Variants in STARD9 observed in about 807,000 individuals in gnomAD.
The protein encoded by STARD9 is StAR related lipid transfer domain containing 9, also known as stAR-related lipid transfer protein 9.
In STARD9, 346 loss-of-function variants were observed where a neutral mutation model predicts 399.8. The ratio of observed to expected loss-of-function variants is 0.87; its 90% CI spans 0.79 to 0.95. The LOEUF (loss-of-function observed/expected upper bound fraction) is 0.95. STARD9 is among the 40% of genes least tolerant of loss of function. The pLI is 0.00. For missense variants in STARD9, 5,832 were observed against 5,667.5 expected (o/e 1.03, Z -0.93); for synonymous variants, 2,203 against 2,143.5 (o/e 1.03, Z -0.77).
intron 26 of STARD9, among the ~76,000 whole-genome samples, chr15:42,710,940 T>C (rs964154221): frequency 2.6e-5 from 4 of 152,052 alleles, no homozygotes; most frequent in Admixed American, 2.6e-4. Context: ...TCTCCCTGTC[T>C]GTTTGTCCCC....
chr15:42,700,451 TG>T (rs1272098156), intron 26 of STARD9, among the ~76,000 whole-genome samples: 1 of 152,214 alleles, frequency 6.6e-6, no homozygotes, highest in Non-Finnish European at 1.5e-5. Context: ...TGTTGTTTTT[TG>T]TCTTTTTATT....
At chr15:42,620,286 A>AT (rs869052417) in intron 3 of STARD9, among the ~76,000 whole-genome samples, 2,261 of 146,598 alleles carry the variant, frequency 0.015, 62 homozygotes, top group African/African-American at 0.052. Flanking sequence ...TTATAAGTAG[A>AT]TTTTTTTTTT....
At chr15:42,590,757 C>CGAGAGA (rs61291485) in intron 3 of STARD9, among the ~76,000 whole-genome samples, 1 of 151,544 alleles carries the variant, frequency 6.6e-6, no homozygotes, top group East Asian at 1.9e-4. Flanking sequence ...CTTGTCACAG[C>CGAGAGA]GAGAGAGAGA....
In STARD9 at chr15:42,699,615, G is replaced by T. The variant is rs574401311; in HGVS notation, c.13284+3735G>T. ...TCACCATGTTAGCCAGGATGGTCTC[G>T]ATTTCCTGACCTCGTGATCTGCCCG... On this transcript the variant is annotated intron_variant, in intron 26 of 32. Transcript: ENST00000290607. 2.6e-5 allele frequency among the ~76,000 whole-genome samples: 4 copies of T among 151,516 alleles called. No individual in the cohort carries two copies. The South Asian group carries it at 8.4e-4, about 32-fold the overall frequency.
rs781054782 is a variant in STARD9 at position 42,684,282 on chromosome 15, C to A, written c.2704C>A (p.Gln902Lys). ...KNGLHSSGHG[Q>K]PCTARAALAR... The stretch of plus-strand genomic sequence containing the variant: ...CGGCCTGCATTCCTCAGGTCATGGG[C>A]AGCCCTGCACAGCCAGAGCAGCCTT... The change falls in exon 23 of 33, where the codon CAG becomes AAG. Residue 902 changes from glutamine to lysine, a missense_variant. This residue lies in a region of STARD9 where 5,828 missense variants were observed against 5,651.1 expected (regional missense o/e 1.03). Coordinates refer to ENST00000290607, the MANE Select transcript of STARD9 (RefSeq NM_020759.3). 4.5e-5 allele frequency: 69 copies of A among 1,537,142 alleles called. No homozygotes were observed. In the Middle Eastern group the frequency reaches 5.0e-4, roughly 11 times the overall value.
At chr15:42,610,592 A>G (rs1424556772) in intron 3 of STARD9, among the ~76,000 whole-genome samples, 1 of 152,086 alleles carries the variant, frequency 6.6e-6, no homozygotes, top group Non-Finnish European at 1.5e-5. Flanking sequence ...CTTGTCGCCC[A>G]GGCTGGAGTG....
intron 26 of STARD9, among the ~76,000 whole-genome samples, chr15:42,698,940 C>T (rs2060901405): frequency 6.6e-6 from 1 of 152,020 alleles, no homozygotes; most frequent in Non-Finnish European, 1.5e-5. Flanking sequence ...AGAATAGATT[C>T]TACCCTGCGG....
intron 16 of STARD9, among the ~76,000 whole-genome samples, chr15:42,673,405 A>C (rs1014949614): frequency 1.4e-4 from 22 of 152,294 alleles, no homozygotes; most frequent in African/African-American, 4.8e-4. Context: ...CTGTCTCAAA[A>C]AAAACAAAAC....
rs373520291 is a variant in STARD9 at position 42,699,583 on chromosome 15, T to C, written c.13284+3703T>C. On this transcript the variant is annotated intron_variant, in intron 26 of 32. Coordinates refer to ENST00000290607, the MANE Select transcript of STARD9 (RefSeq NM_020759.3). ...TAATTTTTTGTGTTTTTAGTAGAGA[T>C]GGGGTTTCACCATGTTAGCCAGGAT... Among the ~76,000 whole-genome samples the C allele has an allele frequency of 3.9e-3, 586 of 151,558 alleles. 4 individuals are homozygous for C. Among genetic ancestry groups the C allele is most frequent in the African/African-American group, 0.013 (527 of 41,214 alleles).
At chr15:42,683,819 C>G (rs1379973827) in intron 22 of STARD9, among the ~76,000 whole-genome samples, 46 of 151,860 alleles carry the variant, frequency 3.0e-4, no homozygotes, top group Non-Finnish European at 6.5e-4. Flanking sequence ...CCTCATAATA[C>G]CATTTAAATT....
At chr15:42,657,837 G>C (rs758495555) in intron 9 of STARD9, among the ~76,000 whole-genome samples, 8 of 152,180 alleles carry the variant, frequency 5.3e-5, no homozygotes, top group Non-Finnish European at 1.0e-4. Flanking sequence ...ATAGGCAACT[G>C]ATTTTTAATA....
In STARD9 at chr15:42,659,872, T is replaced by G. The variant is rs1373167856; in HGVS notation, c.703-1286T>G. Reference sequence around the variant, plus strand: ...CTACCATATGACCCAGCAATTCTACTCTTAGGTGTTTATCCAAGAGCAATG... The same window carrying G: ...CTACCATATGACCCAGCAATTCTACGCTTAGGTGTTTATCCAAGAGCAATG... On this transcript the variant is annotated intron_variant, in intron 9 of 32. Transcript: ENST00000290607. Among the ~76,000 whole-genome samples the G allele has an allele frequency of 2.0e-5, 3 of 152,258 alleles. No individual in the cohort carries two copies. In the East Asian group the frequency reaches 5.8e-4, roughly 29 times the overall value.
rs1490854593 is a variant in STARD9 at position 42,691,957 on chromosome 15, A to C, written c.10379A>C (p.His3460Pro). The stretch of plus-strand genomic sequence containing the variant: ...TCTCAGATGGACAAAGGAATGCTGC[A>C]CTTTGGCTCCAGTGACATCAGTCCC... ...WCSQMDKGMLHFGSSDISPYA... is the reference protein window; with the variant it reads ...WCSQMDKGMLPFGSSDISPYA... Residue 3460 changes from histidine to proline, a missense_variant, in exon 23 of 33, where the codon CAC (histidine) becomes CCC (proline). Physicochemically the swap from His to Pro is moderately conservative, Grantham distance 77. Transcript: ENST00000290607. The C allele has an allele frequency of 6.5e-7, 1 of 1,537,276 alleles. No homozygotes were observed.
Position 42,689,760 on chromosome 15 carries a change from C to T in STARD9, c.8182C>T (p.Pro2728Ser). 2 of 1,537,714 alleles carry T rather than the reference C, an allele frequency of 1.3e-6. No homozygotes were observed. Among genetic ancestry groups the T allele is most frequent in the South Asian group, 1.2e-5 (1 of 84,062 alleles). The change falls in exon 23 of 33, where the codon CCT (proline) becomes TCT (serine). Residue 2728 changes from proline (P) to serine (S), a missense_variant. Pro to Ser is a moderately conservative substitution (Grantham distance 74). Coordinates refer to ENST00000290607, the MANE Select transcript of STARD9 (RefSeq NM_020759.3). ...LAPDSPRSSA[P>S]VEEVRRVVSK... ...CCCAGACAGTCCTCGTTCTTCAGCA[C>T]CTGTGGAGGAGGTCAGGAGGGTAGT...
Position 42,692,646 on chromosome 15 carries a change from A to G in STARD9, c.11068A>G (p.Ser3690Gly), listed in dbSNP as rs1426530456. The change falls in exon 23 of 33, where the codon AGT becomes GGT. Residue 3690 changes from serine to glycine, a missense_variant. Around this residue, in one of 2 missense-constraint regions of STARD9, gnomAD observed 5,828 missense variants for 5,651.1 expected, o/e 1.03. Coordinates refer to ENST00000290607, the MANE Select transcript of STARD9 (RefSeq NM_020759.3). ...TCTCCACCTCTCACAGCTCCTGCAC[A>G]GTACCTCAGAGCTGCTTGGGAGTCT... ...LSLHLSQLLH[S>G]TSELLGSLSQ... is the part of the protein sequence containing the mutation. The G allele has an allele frequency of 5.2e-6, 8 of 1,537,068 alleles. No individual in the cohort carries two copies. The East Asian group carries it at 1.2e-4, about 23-fold the overall frequency.
rs554023661 is a variant in STARD9 at position 42,689,611 on chromosome 15, G to A, written c.8033G>A (p.Arg2678His). 54 of 1,537,492 alleles carry A rather than the reference G, an allele frequency of 3.5e-5. No homozygotes were observed. The East Asian group carries it at 4.9e-4, about 14-fold the overall frequency. ...GCTCCTGCTCAAGACAGGAAACGTC[G>A]TACTGGAGAACTGAGGCAGTTCGCG... ...HAAPAQDRKRRTGELRQFAGA... is the reference protein window; with the variant it reads ...HAAPAQDRKRHTGELRQFAGA... Residue 2678 changes from arginine to histidine, a missense_variant, in exon 23 of 33, where the codon CGT becomes CAT. Physicochemically the swap from Arg to His is conservative, Grantham distance 29. Coordinates refer to ENST00000290607, the MANE Select transcript of STARD9 (RefSeq NM_020759.3).
At chr15:42,678,869 A>T (rs2060366250) in intron 20 of STARD9, among the ~76,000 whole-genome samples, 1 of 152,214 alleles carries the variant, frequency 6.6e-6, no homozygotes, top group African/African-American at 2.4e-5. Context: ...GCTTTCTGGG[A>T]ACTTGACAAA....
In STARD9 at chr15:42,687,069, G is replaced by C; in HGVS notation, c.5491G>C (p.Glu1831Gln). 1 of 1,537,182 alleles carries C rather than the reference G, an allele frequency of 6.5e-7. No individual in the cohort carries two copies. The highest frequency in any genetic ancestry group is 8.7e-7 in the Non-Finnish European group (1 of 1,146,892). ...VDLNTREVIR[E>Q]SGKCPGNITE... ...TCTGAATACCAGGGAAGTCATCAGA[G>C]AATCAGGTAAATGCCCTGGAAATAT... The change falls in exon 23 of 33, where the codon GAA becomes CAA. Residue 1831 changes from glutamate to glutamine, a missense_variant. By Grantham distance (29) the Glu-to-Gln change is conservative. Transcript: ENST00000290607.
rs1297259123 is a variant in STARD9, at chr15:42,692,672, C to T, written c.11094C>T (p.Leu3698=). The change falls in exon 23 of 33, where the codon CTC becomes CTT. Residue 3698 remains leucine, a synonymous_variant. Coordinates refer to ENST00000290607, the MANE Select transcript of STARD9 (RefSeq NM_020759.3). ...GTACCTCAGAGCTGCTTGGGAGTCTCTCCCAGCCAGATGTGGCCAGAAGGG... is the reference window on the plus strand; with the variant it reads ...GTACCTCAGAGCTGCTTGGGAGTCTTTCCCAGCCAGATGTGGCCAGAAGGG... ...LHSTSELLGS[L]SQPDVARREQ... is the part of the protein sequence containing the mutation. 9 of 1,537,084 alleles carry T rather than the reference C, an allele frequency of 5.9e-6. No individual in the cohort carries two copies. In the East Asian group the frequency reaches 2.0e-4, roughly 33 times the overall value.
Sources: allele counts gnomAD v4.1 joint callset (sites outside exome capture counted in the v4.1 genomes callset), GRCh38; gene constraint gnomAD v4.1.1; regional missense constraint gnomAD v4.1.1; transcripts MANE v1.5; gene names NCBI Gene and HGNC (gene_info 2026-07-23, HGNC 2026-07-21).